Variants in PREX2 observed in about 807,000 individuals in gnomAD.
PREX2 encodes the protein phosphatidylinositol-3,4,5-trisphosphate dependent Rac exchange factor 2.
In PREX2, 107 loss-of-function variants were observed where a neutral mutation model predicts 203.2. The ratio of observed to expected loss-of-function variants is 0.53; its 90% CI spans 0.45 to 0.62. The LOEUF (loss-of-function observed/expected upper bound fraction) is 0.62. Among genes scored for constraint, PREX2 ranks in the 20% least tolerant of loss-of-function variants. The pLI is 0.00. For missense variants in PREX2, 1,777 were observed against 1,955.9 expected (o/e 0.91, Z 1.72); for synonymous variants, 672 against 663.6 (o/e 1.01, Z -0.19).
At chr8:68,120,328 A>C in intron 29 of PREX2, 42 bp downstream of exon 29, 1 of 1,354,024 alleles carries the variant, frequency 7.4e-7, no homozygotes, top group African/African-American at 1.4e-5. Context: ...ATTGAGAAAA[A>C]CAAGGTGGTA....
chr8:68,179,121 T>C lies in PREX2; in HGVS notation c.4347-12601T>C, dbSNP rs1051292154. Among the ~76,000 whole-genome samples the C allele has an allele frequency of 3.3e-5, 5 of 152,202 alleles. 1 individual carries two copies. The highest frequency in any genetic ancestry group is 4.8e-5 in the African/African-American group (2 of 41,458). On this transcript the variant is annotated intron_variant, in intron 35 of 39. Transcript: ENST00000288368. ...TGCAACCGCATGTGACTTGTTGCTCTAGTCTCTCCTCTGGTGAATAAGACA... is the reference window on the plus strand; with the variant it reads ...TGCAACCGCATGTGACTTGTTGCTCCAGTCTCTCCTCTGGTGAATAAGACA...
rs763040313 is a variant in PREX2, at chr8:67,952,680, A to G, written c.141+145A>G. The G allele has an allele frequency of 4.7e-5, 54 of 1,153,374 alleles. 1 individual carries two copies. In the South Asian group the frequency reaches 6.9e-4, roughly 15 times the overall value. The allele number at this position is 1,153,374 out of a possible 1,614,324, so 71.4% of individuals were successfully genotyped here. Reference sequence around the variant, plus strand: ...CACAGGCGCGGGAATCCACGTGTGGACTCTGCGTTCGCGGGCGCGGTGACC... The same window carrying G: ...CACAGGCGCGGGAATCCACGTGTGGGCTCTGCGTTCGCGGGCGCGGTGACC... On this transcript the variant is annotated intron_variant, in intron 1 of 39. Coordinates refer to ENST00000288368, the MANE Select transcript of PREX2 (RefSeq NM_024870.4).
At chr8:68,047,360 G>T (rs1458500881) in intron 8 of PREX2, among the ~76,000 whole-genome samples, 1 of 150,922 alleles carries the variant, frequency 6.6e-6, no homozygotes, top group African/African-American at 2.4e-5. Flanking sequence ...CTTGGCCCTG[G>T]ATAAGTTAAA....
At chr8:68,015,273 G>A (rs908070599) in intron 1 of PREX2, among the ~76,000 whole-genome samples, 1 of 152,090 alleles carries the variant, frequency 6.6e-6, no homozygotes, top group Non-Finnish European at 1.5e-5. Context: ...ATGTCAAATC[G>A]TTTTCACGAT....
intron 27 of PREX2, 51 bp from the exon 28 acceptor site, chr8:68,119,381 C>T: frequency 8.3e-7 from 1 of 1,203,262 alleles, no homozygotes; most frequent in South Asian, 1.2e-5. Context: ...GTACGTTAAA[C>T]ATAAGATGAG....
At position 68,120,200 on chromosome 8, in the gene PREX2, A is replaced by G; in HGVS notation, c.3509A>G (p.Asp1170Gly). The G allele has an allele frequency of 3.1e-6, 5 of 1,605,218 alleles. No homozygotes were observed. The South Asian group carries it at 3.3e-5, about 11-fold the overall frequency. Residue 1170 changes from aspartate to glycine, a missense_variant, in exon 29 of 40, where the codon GAT (aspartate) becomes GGT (glycine). By Grantham distance (94) the Asp-to-Gly change is moderately conservative (BLOSUM62 -1). Transcript: ENST00000288368. ...GGAAATCTCTACTATTGATAGGTGGATTCAATTACCAATCTCCTAAAAGGG... is the reference window on the plus strand; with the variant it reads ...GGAAATCTCTACTATTGATAGGTGGGTTCAATTACCAATCTCCTAAAAGGG... Reference protein sequence around the residue: ...SCLEHLFSQVDSITNLLKGQA... With the variant: ...SCLEHLFSQVGSITNLLKGQA...
Position 68,083,272 on chromosome 8 carries a change from T to G in PREX2, c.1911T>G (p.Phe637Leu), listed in dbSNP as rs1260210946. ...GCATGGAAGTCGGGAAAAAGATTTT[T>G]GCTATTAATGGTGACCTAGTTTTTA... ...MAGMEVGKKI[F>L]AINGDLVFMR... The change falls in exon 18 of 40, where the codon TTT (phenylalanine) becomes TTG (leucine). Residue 637 changes from phenylalanine (F) to leucine (L), a missense_variant. Phe to Leu is a conservative substitution (Grantham distance 22). Coordinates refer to ENST00000288368, the MANE Select transcript of PREX2 (RefSeq NM_024870.4). 14 of 1,602,652 alleles carry G rather than the reference T, an allele frequency of 8.7e-6. No individual in the cohort carries two copies. The highest frequency in any genetic ancestry group is 1.2e-5 in the Non-Finnish European group (14 of 1,172,724).
intron 35 of PREX2, among the ~76,000 whole-genome samples, chr8:68,176,051 T>C (rs1258933472): frequency 3.3e-5 from 5 of 152,142 alleles, no homozygotes; most frequent in Non-Finnish European, 5.9e-5. Context: ...ACACATTAAT[T>C]CATAATCCCA....
chr8:68,217,579 A>G, intron 37 of PREX2, 37 bp from the exon 38 acceptor site: 5 of 1,478,464 alleles, frequency 3.4e-6, no homozygotes, highest in Non-Finnish European at 4.7e-6. Context: ...TGTATCAGGA[A>G]CCATGGGGTC....
chr8:67,985,087 C>G lies in PREX2; in HGVS notation c.141+32552C>G, dbSNP rs542197601. On this transcript the variant is annotated intron_variant, in intron 1 of 39. Transcript: ENST00000288368. The stretch of plus-strand genomic sequence containing the variant: ...TGACATAGAAGCAGAGAAAACATAC[C>G]AAGTTCTTGCCAGTTGCTAGGCAGA... Among the ~76,000 whole-genome samples, 3 of 152,158 alleles carry G rather than the reference C, an allele frequency of 2.0e-5. No homozygotes were observed. In the South Asian group the frequency reaches 6.2e-4, roughly 32 times the overall value.
chr8:68,024,995 A>G (rs1254774163), intron 4 of PREX2, among the ~76,000 whole-genome samples: 1 of 151,880 alleles, frequency 6.6e-6, no homozygotes, highest in Non-Finnish European at 1.5e-5. Context: ...ATTACATTAT[A>G]TATGTTATAA....
intron 35 of PREX2, among the ~76,000 whole-genome samples, chr8:68,165,139 T>G (rs1433275114): frequency 6.6e-6 from 1 of 152,060 alleles, no homozygotes; most frequent in Admixed American, 6.6e-5. Flanking sequence ...TTAACTTGAT[T>G]CAGATGTAAT....
chr8:68,057,327 C>T (rs1041542380), intron 10 of PREX2, among the ~76,000 whole-genome samples: 2 of 152,132 alleles, frequency 1.3e-5, no homozygotes, highest in African/African-American at 4.8e-5. Flanking sequence ...TTATAAATTA[C>T]CCAGTCGTGG....
chr8:68,087,429 A>G (rs558588906), intron 18 of PREX2, among the ~76,000 whole-genome samples: 41 of 152,280 alleles, frequency 2.7e-4, no homozygotes, highest in Non-Finnish European at 5.7e-4. Context: ...TGGGAGGCTG[A>G]GATGTGAGGA....
intron 5 of PREX2, among the ~76,000 whole-genome samples, chr8:68,028,569 A>T (rs1162724300): frequency 6.6e-6 from 1 of 152,088 alleles, no homozygotes; most frequent in African/African-American, 2.4e-5. Flanking sequence ...TTATTAAAGA[A>T]ATAAGAGTCT....
chr8:68,011,494 A>T (rs890029043), intron 1 of PREX2, among the ~76,000 whole-genome samples: 1 of 152,102 alleles, frequency 6.6e-6, no homozygotes, highest in Non-Finnish European at 1.5e-5. Flanking sequence ...GGTGTACATG[A>T]TGATAGGGAG....
chr8:68,050,406 C>T (rs568730885), intron 8 of PREX2, among the ~76,000 whole-genome samples: 5 of 149,886 alleles, frequency 3.3e-5, no homozygotes, highest in Admixed American at 6.7e-5. Flanking sequence ...TCTTCCTGGC[C>T]GGAGCATGAG....
chr8:67,969,193 G>A (rs1468438491), intron 1 of PREX2, among the ~76,000 whole-genome samples: 3 of 152,106 alleles, frequency 2.0e-5, no homozygotes, highest in Non-Finnish European at 2.9e-5. Flanking sequence ...GCCGCGTTTA[G>A]AGTTTGGTCT....
At chr8:67,985,348 T>G (rs1806385804) in intron 1 of PREX2, among the ~76,000 whole-genome samples, 1 of 150,972 alleles carries the variant, frequency 6.6e-6, no homozygotes, top group Non-Finnish European at 1.5e-5. Flanking sequence ...CTTATAATTT[T>G]TTTGATATAA....
Sources: gnomAD v4.1 joint callset for allele counts (sites outside exome capture counted in the v4.1 genomes callset) on GRCh38, gnomAD v4.1.1 for gene constraint, MANE v1.5 for transcripts, NCBI Gene and HGNC (gene_info 2026-07-23, HGNC 2026-07-21) for gene names.